Variants in QTMAN observed in about 807,000 individuals in gnomAD.
QTMAN encodes the protein queuosine-tRNA mannosyltransferase, also known as tRNA-queuosine alpha-mannosyltransferase.
At chr2:144,224,200 A>G in the QTMAN span, among the ~76,000 whole-genome samples, 1 of 152,242 alleles carries the variant, frequency 6.6e-6, no homozygotes. Context: ...CAAGCTATAG[A>G]AAATAGAATT....
chr2:143,989,547 A>G, the QTMAN span, among the ~76,000 whole-genome samples: 1 of 152,152 alleles, frequency 6.6e-6, no homozygotes. Context: ...GACATGGAGG[A>G]GGGACGGCAT....
chr2:144,130,239 A>C, the QTMAN span, among the ~76,000 whole-genome samples: 1 of 151,932 alleles, frequency 6.6e-6, no homozygotes, highest in African/African-American at 2.4e-5. Flanking sequence ...AGAGGTAAGA[A>C]AGTTCTGTAA....
At chr2:144,198,148 G>A in the QTMAN span, among the ~76,000 whole-genome samples, 1 of 151,940 alleles carries the variant, frequency 6.6e-6, no homozygotes, top group Non-Finnish European at 1.5e-5. Flanking sequence ...GATCATTTGA[G>A]CTGAGGAGTT....
At chr2:144,147,244 T>A in the QTMAN span, among the ~76,000 whole-genome samples, 1 of 151,218 alleles carries the variant, frequency 6.6e-6, no homozygotes, top group Non-Finnish European at 1.5e-5. Flanking sequence ...ATTAATGTTA[T>A]AATTTATCTC....
chr2:144,033,105 A>G, the QTMAN span, among the ~76,000 whole-genome samples: 9 of 152,366 alleles, frequency 5.9e-5, no homozygotes, highest in East Asian at 1.9e-4. Context: ...CTGTTTTACT[A>G]TACACTTTCA....
At chr2:144,103,152 T>C in the QTMAN span, among the ~76,000 whole-genome samples, 2 of 152,220 alleles carry the variant, frequency 1.3e-5, no homozygotes, top group Non-Finnish European at 1.5e-5. Flanking sequence ...AAGGCTAATA[T>C]AGAAACCCCT....
At chr2:144,239,692 T>G in the QTMAN span, among the ~76,000 whole-genome samples, 2 of 152,212 alleles carry the variant, frequency 1.3e-5, no homozygotes, top group African/African-American at 4.8e-5. Flanking sequence ...TTAATTTGCT[T>G]TGTATTGCCA....
the QTMAN span, among the ~76,000 whole-genome samples, chr2:144,258,272 A>C: frequency 6.6e-6 from 1 of 152,000 alleles, no homozygotes. Flanking sequence ...GAGGAAAAAA[A>C]AGGAAAGATA....
the QTMAN span, among the ~76,000 whole-genome samples, chr2:144,061,712 T>C: frequency 5.9e-5 from 9 of 152,200 alleles, no homozygotes; most frequent in South Asian, 2.1e-4. Context: ...TGGCCCTAAA[T>C]GAGAACAGGC....
chr2:144,016,853 G>GT, the QTMAN span, among the ~76,000 whole-genome samples: 1 of 152,218 alleles, frequency 6.6e-6, no homozygotes. Flanking sequence ...CCTGAACAGA[G>GT]TATCAGAAAA....
the QTMAN span, among the ~76,000 whole-genome samples, chr2:144,106,081 G>T: frequency 1.3e-5 from 2 of 152,118 alleles, no homozygotes; most frequent in African/African-American, 4.8e-5. Flanking sequence ...CACCAGGCCT[G>T]CCCTAAAAGA....
chr2:143,972,529 G>C, the QTMAN span, among the ~76,000 whole-genome samples: 1 of 151,928 alleles, frequency 6.6e-6, no homozygotes, highest in Admixed American at 6.6e-5. Flanking sequence ...TAGAGCTGTA[G>C]TTCTTAAAAG....
the QTMAN span, among the ~76,000 whole-genome samples, chr2:144,003,925 A>T: frequency 6.6e-6 from 1 of 152,092 alleles, no homozygotes; most frequent in Non-Finnish European, 1.5e-5. Context: ...TGGCTACTGC[A>T]ACTGCATGAT....
the QTMAN span, among the ~76,000 whole-genome samples, chr2:144,322,018 T>C: frequency 1.3e-5 from 2 of 152,170 alleles, no homozygotes; most frequent in African/African-American, 2.4e-5. Flanking sequence ...GGCAACCACA[T>C]AGGTAGCATC....
chr2:144,305,836 T>C, the QTMAN span, among the ~76,000 whole-genome samples: 1 of 152,240 alleles, frequency 6.6e-6, no homozygotes, highest in Non-Finnish European at 1.5e-5. Context: ...TAAATGGAAT[T>C]CTTAATTTCA....
the QTMAN span, among the ~76,000 whole-genome samples, chr2:144,256,073 G>T: frequency 8.8e-3 from 1,336 of 152,190 alleles, 14 homozygotes; most frequent in African/African-American, 0.03. Context: ...CCAGGTTCTG[G>T]TGTGTGCAGT....
the QTMAN span, among the ~76,000 whole-genome samples, chr2:144,002,523 A>G: frequency 3.3e-5 from 5 of 152,022 alleles, no homozygotes; most frequent in Non-Finnish European, 5.9e-5. Context: ...ATTTTGAAAA[A>G]TTGCATTTAA....
At chr2:144,318,044 T>C in the QTMAN span, among the ~76,000 whole-genome samples, 1 of 152,198 alleles carries the variant, frequency 6.6e-6, no homozygotes, top group Non-Finnish European at 1.5e-5. Flanking sequence ...AGTGTTCTAT[T>C]CATCGTCCCT....
the QTMAN span, among the ~76,000 whole-genome samples, chr2:144,091,681 G>C: frequency 6.6e-6 from 1 of 152,076 alleles, no homozygotes; most frequent in East Asian, 1.9e-4. Context: ...CCACTCCTAG[G>C]TATTTACCCA....
Sources: allele counts gnomAD v4.1 joint callset (sites outside exome capture counted in the v4.1 genomes callset), GRCh38; gene constraint gnomAD v4.1.1; transcripts MANE v1.5; gene names NCBI Gene and HGNC (gene_info 2026-07-23, HGNC 2026-07-21).